The following FOCAD variants were observed in gnomAD, a reference collection of about 807,000 sequenced individuals.
FOCAD encodes the protein focadhesin.
In FOCAD, 198 loss-of-function variants were observed where a neutral mutation model predicts 225.6. The observed-to-expected ratio is 0.88, with a 90% CI of 0.78 to 0.99. The LOEUF (loss-of-function observed/expected upper bound fraction) is 0.99. FOCAD is among the 50% of genes least tolerant of loss of function. The pLI is 0.00. For missense variants in FOCAD, 2,713 were observed against 2,123.6 expected, an observed-to-expected ratio of 1.28 and a Z score of -5.46; for synonymous variants, 897 against 755.0, an observed-to-expected ratio of 1.19 and a Z score of -3.08.
Position 20,823,116 on chromosome 9 carries a change from G to A in FOCAD, c.1920+1G>A. The A allele has an allele frequency of 6.2e-7, 1 of 1,604,106 alleles. No individual in the cohort carries two copies. Among genetic ancestry groups the A allele is most frequent in the Middle Eastern group, 1.7e-4 (1 of 6,008 alleles). ...TCTTCATGCACTCTGTCAAGCTGAGGTAGGCATTTTTAAATTGCTTTGGAT... is the reference window on the plus strand; with the variant it reads ...TCTTCATGCACTCTGTCAAGCTGAGATAGGCATTTTTAAATTGCTTTGGAT... On this transcript the variant is annotated splice_donor_variant, in intron 15 of 43. Coordinates refer to ENST00000338382, the MANE Select transcript of FOCAD (RefSeq NM_001375567.1). LOFTEE classifies it high-confidence loss of function.
intron 41 of FOCAD, among the ~76,000 whole-genome samples, chr9:20,989,475 G>A (rs1200065367): frequency 1.3e-5 from 2 of 152,082 alleles, no homozygotes; most frequent in African/African-American, 4.8e-5. Flanking sequence ...TTCTATGATT[G>A]TCTAGATTAG....
chr9:20,912,650 A>C (rs1587587126), intron 22 of FOCAD, among the ~76,000 whole-genome samples: 1 of 152,134 alleles, frequency 6.6e-6, no homozygotes. Context: ...TTTGCCAAAC[A>C]TACAACTTCT....
At chr9:20,755,707 T>C (rs1160725756) in intron 5 of FOCAD, among the ~76,000 whole-genome samples, 1 of 152,238 alleles carries the variant, frequency 6.6e-6, no homozygotes, top group Non-Finnish European at 1.5e-5. Flanking sequence ...TTATATCTGA[T>C]ACTCTTTATA....
intron 1 of FOCAD, among the ~76,000 whole-genome samples, chr9:20,708,501 C>G (rs550056136): frequency 6.6e-6 from 1 of 152,226 alleles, no homozygotes; most frequent in South Asian, 2.1e-4. Flanking sequence ...TGTGGTGGCT[C>G]ACACCTGTAG....
chr9:20,711,922 G>A lies in FOCAD; in HGVS notation c.-32-3400G>A, dbSNP rs544059133. Among the ~76,000 whole-genome samples, 38 of 152,256 alleles carry A rather than the reference G, an allele frequency of 2.5e-4. No individual in the cohort carries two copies. In the South Asian group the frequency reaches 5.4e-3, roughly 22 times the overall value. ...AGCAGAGTGGACAGAGGAACAGGAG[G>A]AGTCAGTAAAACAGTGTTTCCCAGT... is the stretch of plus-strand genomic sequence containing the variant. On this transcript the variant is annotated intron_variant, in intron 1 of 43. Transcript: ENST00000338382.
At chr9:20,689,661 G>C (rs553542017) in intron 1 of FOCAD, among the ~76,000 whole-genome samples, 4 of 152,298 alleles carry the variant, frequency 2.6e-5, no homozygotes, top group African/African-American at 9.6e-5. Context: ...GGGAAGGAGT[G>C]AGAGAGCGAG....
At chr9:20,816,411 CTCCTT>C (rs78483463) in intron 11 of FOCAD, among the ~76,000 whole-genome samples, 24,514 of 151,972 alleles carry the variant, frequency 0.16, 2,436 homozygotes, top group Non-Finnish European at 0.22. Flanking sequence ...AAAAATTTGT[CTCCTT>C]TCATTTGCCG....
chr9:20,973,767 T>A (rs1481163990), intron 35 of FOCAD, among the ~76,000 whole-genome samples: 2 of 147,490 alleles, frequency 1.4e-5, no homozygotes, highest in Non-Finnish European at 3.0e-5. Flanking sequence ...GTTTCTCCTT[T>A]CTGCAGCTGA....
chr9:20,819,345 C>G (rs1460431071), intron 11 of FOCAD, among the ~76,000 whole-genome samples: 1 of 152,072 alleles, frequency 6.6e-6, no homozygotes, highest in Non-Finnish European at 1.5e-5. Flanking sequence ...TCCCAAGTAG[C>G]TGGGGCTACA....
Position 20,944,779 on chromosome 9 carries a change from G to C in FOCAD, c.3555+5G>C. The stretch of plus-strand genomic sequence containing the variant: ...CAGAGCAGAACGTTTCAGGAGGTAA[G>C]AGATGGAGGCTACATTTTTTTCCCC... On this transcript the variant is annotated splice_donor_5th_base_variant and intron_variant, in intron 29 of 43. Transcript: ENST00000338382. 1 of 1,607,060 alleles carries C rather than the reference G, an allele frequency of 6.2e-7. No individual in the cohort carries two copies.
chr9:20,976,382 G>A lies in FOCAD; in HGVS notation c.4133-38G>A, dbSNP rs371002331. The A allele has an allele frequency of 7.6e-4, 1,220 of 1,597,938 alleles. 7 individuals carry two copies. In the South Asian group the frequency reaches 8.1e-3, roughly 11 times the overall value. ...GCATTTTCCACTTCCATGATAGTAT[G>A]CAGGTGTTTTACTATTATTTTTCAC... On this transcript the variant is annotated intron_variant, in intron 35 of 43. Transcript: ENST00000338382.
In FOCAD at chr9:20,724,475, T is replaced by C. The variant is rs531517752; in HGVS notation, c.287+3941T>C. On this transcript the variant is annotated intron_variant, in intron 4 of 43. Coordinates refer to ENST00000338382, the MANE Select transcript of FOCAD (RefSeq NM_001375567.1). ...TGGACATTTTAAACAAGATTTCTTA[T>C]CTGAGAATGTTCATATTGTCTAAAT... Among the ~76,000 whole-genome samples, 13 of 152,290 alleles carry C rather than the reference T, an allele frequency of 8.5e-5. No individual in the cohort carries two copies. The South Asian group carries it at 2.7e-3, about 32-fold the overall frequency.
intron 21 of FOCAD, among the ~76,000 whole-genome samples, chr9:20,896,082 G>A (rs1041069902): frequency 6.6e-6 from 1 of 151,658 alleles, no homozygotes; most frequent in African/African-American, 2.4e-5. Context: ...AAAACTGTTC[G>A]ATTTTGTCAA....
intron 25 of FOCAD, 116 bp downstream of exon 25, chr9:20,923,884 G>A: frequency 4.1e-6 from 3 of 729,040 alleles, no homozygotes; most frequent in Non-Finnish European, 7.1e-6. Flanking sequence ...CCAAGTTATA[G>A]TACTTGATGG....
rs893775341 is a variant in FOCAD, at chr9:20,819,901, G to T, written c.1560+1G>T. The T allele has an allele frequency of 2.7e-6, 4 of 1,470,160 alleles. No individual in the cohort carries two copies. In the African/African-American group the frequency reaches 5.8e-5, roughly 21 times the overall value. The allele number at this position is 1,470,160 out of a possible 1,614,324, so 91.1% of individuals were successfully genotyped here. On this transcript the variant is annotated splice_donor_variant, in intron 12 of 43. Transcript: ENST00000338382. LOFTEE classifies it high-confidence loss of function. ...TTTACCTAAGCTTGGTGTTCACAAG[G>T]TTAGTATGTTAATTAATTTAGTTGG...
At chr9:20,663,070 C>T (rs557650399) in intron 2 of FOCAD, among the ~76,000 whole-genome samples, 2 of 152,022 alleles carry the variant, frequency 1.3e-5, no homozygotes, top group African/African-American at 4.8e-5. Context: ...CTGATAATAT[C>T]AAGGAACAGT....
chr9:20,748,106 G>A (rs1275233148), intron 5 of FOCAD, among the ~76,000 whole-genome samples: 2 of 151,778 alleles, frequency 1.3e-5, no homozygotes, highest in Admixed American at 6.6e-5. Context: ...GATCTCCTGA[G>A]GTATAAATGT....
intron 4 of FOCAD, among the ~76,000 whole-genome samples, chr9:20,732,575 G>A (rs997146653): frequency 2.0e-5 from 3 of 152,096 alleles, no homozygotes; most frequent in Admixed American, 2.0e-4. Flanking sequence ...TATCCTGGGT[G>A]GAGAAGGAAT....
chr9:20,862,606 C>T lies in FOCAD; in HGVS notation c.1949C>T (p.Ala650Val), dbSNP rs1828873398. 5 of 1,613,352 alleles carry T rather than the reference C, an allele frequency of 3.1e-6. No homozygotes were observed. The highest frequency in any genetic ancestry group is 4.2e-6 in the Non-Finnish European group (5 of 1,179,562). ...GTTTGCATTCGCTCCACTTGGAATG[C>T]TCTCTCTCCAAAGCTGAGTTGTGAC... ...EVVCIRSTWN[A>V]LSPKLSCDTR... Residue 650 changes from alanine to valine, a missense_variant, in exon 16 of 44, where the codon GCT becomes GTT. Transcript: ENST00000338382.
Sources: allele counts gnomAD v4.1 joint callset (sites outside exome capture counted in the v4.1 genomes callset), GRCh38; gene constraint gnomAD v4.1.1; transcripts MANE v1.5; gene names NCBI Gene and HGNC (gene_info 2026-07-23, HGNC 2026-07-21).